The following GALNT18 variants were observed in gnomAD, a reference collection of about 807,000 sequenced individuals.
GALNT18 encodes GalNAc-transferase 18.
A neutral mutation model predicts 69.5 loss-of-function variants in GALNT18; 44 were observed. The observed-to-expected ratio is 0.63, with a 90% CI of 0.50 to 0.81. The LOEUF is 0.81. GALNT18 is among the 40% of genes least tolerant of loss of function. The pLI, the probability that GALNT18 is intolerant of heterozygous loss-of-function variation, is 0.00. For missense variants in GALNT18, 715 were observed against 810.0 expected (o/e 0.88, Z 1.42); for synonymous variants, 364 against 318.2 (o/e 1.14, Z -1.53).
At chr11:11,551,100 AAAG>A in intron 1 of GALNT18, among the ~76,000 whole-genome samples, 1 of 151,598 alleles carries the variant, frequency 6.6e-6, no homozygotes, top group African/African-American at 2.4e-5. Flanking sequence ...AAAAAAAAAA[AAAG>A]CCCAGAAGAA....
intron 9 of GALNT18, 77 bp from the exon 10 acceptor site, chr11:11,293,270 C>T: frequency 4.1e-6 from 5 of 1,229,748 alleles, no homozygotes; most frequent in Admixed American, 3.3e-5. Context: ...GTGATTCTTC[C>T]AGGCAGCTGG....
rs532571520 is a variant in GALNT18, at chr11:11,387,959, T to G, written c.596-8695A>C. ...CTTCCCCGAGGTTCATTCTTATGTC[T>G]GCTACACTTAACAGCTGCACTTCTG... is the stretch of plus-strand genomic sequence containing the variant. On this transcript the variant is annotated intron_variant, in intron 3 of 10. Transcript: ENST00000227756. This position sits in a 1 kb window ranked among gnomAD's most constrained non-coding sequence, Gnocchi z 4.6. Among the ~76,000 whole-genome samples, 1 of 152,376 alleles carries G rather than the reference T, an allele frequency of 6.6e-6. No individual in the cohort carries two copies. The highest frequency in any genetic ancestry group is 2.1e-4 in the South Asian group (1 of 4,822).
rs1458253721 is a variant in GALNT18, at chr11:11,563,743, G to A, written c.235+57616C>T. ...CTCTCCTCCCAGCCCTGCCTCCCTA[G>A]CACCACACTTTTGTGGAAACTATTC... On this transcript the variant is annotated intron_variant, in intron 1 of 10. Coordinates refer to ENST00000227756, the MANE Select transcript of GALNT18 (RefSeq NM_198516.3). The surrounding 1 kb of genome is among the most constrained non-coding windows in gnomAD (Gnocchi z 4.6). 1.3e-5 allele frequency among the ~76,000 whole-genome samples: 2 copies of A among 152,122 alleles called. No individual in the cohort carries two copies. The highest frequency in any genetic ancestry group is 2.9e-5 in the Non-Finnish European group (2 of 68,026).
Position 11,620,136 on chromosome 11 carries a change from G to C in GALNT18, c.235+1223C>G, listed in dbSNP as rs1410322166. Reference sequence around the variant, plus strand: ...GTAAACAAAAGGGAGTGCTCCTGGCGGGGGGGTGGGGGGTAAGCCTTCAGT... The same window carrying C: ...GTAAACAAAAGGGAGTGCTCCTGGCCGGGGGGTGGGGGGTAAGCCTTCAGT... On this transcript the variant is annotated intron_variant, in intron 1 of 10. Coordinates refer to ENST00000227756, the MANE Select transcript of GALNT18 (RefSeq NM_198516.3). The surrounding 1 kb of genome is among the most constrained non-coding windows in gnomAD (Gnocchi z 6.9). 6.6e-6 allele frequency among the ~76,000 whole-genome samples: 1 copy of C among 151,786 alleles called. No individual in the cohort carries two copies. The highest frequency in any genetic ancestry group is 2.4e-5 in the African/African-American group (1 of 41,270).
chr11:11,363,644 T>C (rs1850691992), intron 6 of GALNT18, among the ~76,000 whole-genome samples: 1 of 152,192 alleles, frequency 6.6e-6, no homozygotes, highest in Admixed American at 6.5e-5. Flanking sequence ...AAGATCATCA[T>C]GAATGCCTGA....
At chr11:11,556,697 C>T (rs1858340880) in intron 1 of GALNT18, among the ~76,000 whole-genome samples, 1 of 152,194 alleles carries the variant, frequency 6.6e-6, no homozygotes, top group African/African-American at 2.4e-5. Context: ...GCGCTATTTG[C>T]AGGGAACAAA....
chr11:11,297,057 TTA>T (rs1849414609), intron 9 of GALNT18, among the ~76,000 whole-genome samples: 1 of 152,074 alleles, frequency 6.6e-6, no homozygotes, highest in African/African-American at 2.4e-5. Flanking sequence ...TGGAGGAATG[TTA>T]TAAACCAGGG....
In GALNT18 at chr11:11,469,856, C is replaced by T. The variant is rs1262657755; in HGVS notation, c.236-20920G>A. On this transcript the variant is annotated intron_variant, in intron 1 of 10. Transcript: ENST00000227756. The surrounding 1 kb of genome is among the most constrained non-coding windows in gnomAD (Gnocchi z 4.2). ...AAGGACCCCCTCAGCCTGTCTTCCA[C>T]TCAGCTCCATTGGAGAAGAGCATAT... is the stretch of plus-strand genomic sequence containing the variant. Among the ~76,000 whole-genome samples the T allele has an allele frequency of 1.3e-5, 2 of 152,158 alleles. No individual in the cohort carries two copies. The highest frequency in any genetic ancestry group is 6.5e-5 in the Admixed American group (1 of 15,284).
intron 1 of GALNT18, among the ~76,000 whole-genome samples, chr11:11,515,559 A>T (rs991110537): frequency 1.3e-5 from 2 of 152,192 alleles, no homozygotes; most frequent in Non-Finnish European, 2.9e-5. Flanking sequence ...GAGGGACAAC[A>T]AAACAAATAA....
At chr11:11,381,922 T>C (rs997993572) in intron 3 of GALNT18, among the ~76,000 whole-genome samples, 2 of 152,236 alleles carry the variant, frequency 1.3e-5, no homozygotes, top group Admixed American at 1.3e-4. Flanking sequence ...ACAATGGCTG[T>C]AATAAACATT....
rs976271254 is a variant in GALNT18 at position 11,555,770 on chromosome 11, T to A, written c.235+65589A>T. ...TCCTCAGATCAGGGGCCTCCTCAGG[T>A]AAGCCCATGACCAGGTGGAATAGCC... is the stretch of plus-strand genomic sequence containing the variant. On this transcript the variant is annotated intron_variant, in intron 1 of 10. Coordinates refer to ENST00000227756, the MANE Select transcript of GALNT18 (RefSeq NM_198516.3). This position sits in a 1 kb window ranked among gnomAD's most constrained non-coding sequence, Gnocchi z 4.7. 1.3e-5 allele frequency among the ~76,000 whole-genome samples: 2 copies of A among 152,104 alleles called. No individual in the cohort carries two copies. Among genetic ancestry groups the A allele is most frequent in the African/African-American group, 4.8e-5 (2 of 41,410 alleles).
At chr11:11,446,082 C>T (rs1399403552) in intron 2 of GALNT18, among the ~76,000 whole-genome samples, 1 of 152,176 alleles carries the variant, frequency 6.6e-6, no homozygotes, top group Non-Finnish European at 1.5e-5. Flanking sequence ...AGCCACGATC[C>T]GGCATCTGAG....
At chr11:11,327,739 A>C (rs1849949871) in intron 8 of GALNT18, among the ~76,000 whole-genome samples, 1 of 152,198 alleles carries the variant, frequency 6.6e-6, no homozygotes, top group South Asian at 2.1e-4. Context: ...AGAGAGCAGC[A>C]TCTCTTATCC....
At chr11:11,453,750 C>T (rs1855860765) in intron 1 of GALNT18, among the ~76,000 whole-genome samples, 1 of 152,210 alleles carries the variant, frequency 6.6e-6, no homozygotes, top group Non-Finnish European at 1.5e-5. Context: ...TTCCCTGCCA[C>T]CACGTAAGGT....
intron 10 of GALNT18, among the ~76,000 whole-genome samples, chr11:11,276,303 G>T (rs999037887): frequency 6.6e-6 from 1 of 151,270 alleles, no homozygotes; most frequent in African/African-American, 2.4e-5. Context: ...AATTGTGAAT[G>T]GGTGTTCACT....
chr11:11,539,324 C>A (rs1429814579), intron 1 of GALNT18, among the ~76,000 whole-genome samples: 75 of 152,222 alleles, frequency 4.9e-4, no homozygotes, highest in Non-Finnish European at 1.6e-4. Context: ...CTCCCAGAGA[C>A]AGATGCTCAG....
At chr11:11,405,933 A>G (rs752580215) in intron 3 of GALNT18, among the ~76,000 whole-genome samples, 2 of 152,146 alleles carry the variant, frequency 1.3e-5, no homozygotes, top group Non-Finnish European at 2.9e-5. Context: ...GATTTTTAGC[A>G]CCTTCAACAT....
chr11:11,546,872 G>A lies in GALNT18; in HGVS notation c.235+74487C>T, dbSNP rs73407880. On this transcript the variant is annotated intron_variant, in intron 1 of 10. Transcript: ENST00000227756. This position sits in a 1 kb window ranked among gnomAD's most constrained non-coding sequence, Gnocchi z 5.8. ...GTGTGGGTGGGCAGATGAGTAAGTG[G>A]GTGGGAGATGTGTATGGATGAATGG... Among the ~76,000 whole-genome samples, 813 of 152,200 alleles carry A rather than the reference G, an allele frequency of 5.3e-3. 6 individuals are homozygous for A. The highest frequency in any genetic ancestry group is 0.019 in the African/African-American group (768 of 41,508).
At chr11:11,431,308 G>C (rs1200494142) in intron 3 of GALNT18, among the ~76,000 whole-genome samples, 1 of 152,092 alleles carries the variant, frequency 6.6e-6, no homozygotes, top group African/African-American at 2.4e-5. Context: ...GAGTGTGTGG[G>C]GCAGGCTAGT....
Sources: gnomAD v4.1 joint callset for allele counts (sites outside exome capture counted in the v4.1 genomes callset) on GRCh38, gnomAD v4.1.1 for gene constraint, Gnocchi (gnomAD v3.1) non-coding constraint, MANE v1.5 for transcripts, NCBI Gene and HGNC (gene_info 2026-07-23, HGNC 2026-07-21) for gene names.